Variants in IGSF21 observed in about 807,000 individuals in gnomAD.
IGSF21 encodes the protein immunoglobulin superfamily member 21.
IGSF21 carries 28 observed loss-of-function variants against 46.8 expected under a neutral mutation model. The ratio of observed to expected loss-of-function variants is 0.60; its 90% CI spans 0.44 to 0.82. The LOEUF (loss-of-function observed/expected upper bound fraction) is 0.82, where lower values mean the gene tolerates loss of function less well. IGSF21 is among the 40% of genes least tolerant of loss of function. The probability of loss-of-function intolerance (pLI) is 0.00; values close to 1 mark genes in which losing one functional copy is unlikely to be tolerated. For missense variants in IGSF21, 624 were observed against 665.5 expected, an observed-to-expected ratio of 0.94 and a Z score of 0.69; for synonymous variants, 284 against 273.6, an observed-to-expected ratio of 1.04 and a Z score of -0.38.
chr1:18,304,384 G>T (rs2085391175), intron 3 of IGSF21, among the ~76,000 whole-genome samples: 1 of 152,186 alleles, frequency 6.6e-6, no homozygotes, highest in African/African-American at 2.4e-5. Flanking sequence ...ACACACGGAT[G>T]CCACTTAAAG....
At chr1:18,231,062 G>A (rs532410999) in intron 2 of IGSF21, among the ~76,000 whole-genome samples, 1 of 152,110 alleles carries the variant, frequency 6.6e-6, no homozygotes, top group Non-Finnish European at 1.5e-5. Flanking sequence ...GAAATGAATA[G>A]ATTACACAGG....
chr1:18,378,178 T>C, intron 9 of IGSF21, 78 bp from the exon 10 acceptor site: 1 of 1,201,988 alleles, frequency 8.3e-7, no homozygotes, highest in South Asian at 1.2e-5. Flanking sequence ...GCGTCTTTGT[T>C]GGGGACCTGG....
intron 1 of IGSF21, among the ~76,000 whole-genome samples, chr1:18,203,162 A>G (rs1017047990): frequency 4.6e-5 from 7 of 152,178 alleles, no homozygotes; most frequent in African/African-American, 1.7e-4. Flanking sequence ...CTGAAACCTC[A>G]TGGTCCTTCC....
Position 18,332,347 on chromosome 1 carries a change from C to G in IGSF21, c.306-2545C>G, listed in dbSNP as rs147944530. Among the ~76,000 whole-genome samples, 787 of 152,320 alleles carry G rather than the reference C, an allele frequency of 5.2e-3. 3 individuals carry two copies. Among genetic ancestry groups the G allele is most frequent in the Non-Finnish European group, 8.9e-3 (604 of 68,040 alleles). On this transcript the variant is annotated intron_variant, in intron 3 of 9. Coordinates refer to ENST00000251296, the MANE Select transcript of IGSF21 (RefSeq NM_032880.5). ...TTTCTTTACAGAGCTGTCACCTGAACCTGCCACCTGAACTCCTTTCACCTA... is the reference window on the plus strand; with the variant it reads ...TTTCTTTACAGAGCTGTCACCTGAAGCTGCCACCTGAACTCCTTTCACCTA...
At chr1:18,229,577 A>G (rs992551078) in intron 2 of IGSF21, among the ~76,000 whole-genome samples, 21 of 152,350 alleles carry the variant, frequency 1.4e-4, no homozygotes, top group African/African-American at 5.1e-4. Flanking sequence ...TCTCCTGTTT[A>G]GAGTTAATTC....
chr1:18,167,556 C>T (rs1314648155), intron 1 of IGSF21, among the ~76,000 whole-genome samples: 2 of 152,116 alleles, frequency 1.3e-5, no homozygotes, highest in Non-Finnish European at 2.9e-5. Flanking sequence ...GTGCCCTCCA[C>T]CACCCACCTG....
chr1:18,354,138 C>A (rs1164991920), intron 4 of IGSF21, among the ~76,000 whole-genome samples: 7 of 152,182 alleles, frequency 4.6e-5, no homozygotes, highest in Admixed American at 1.3e-4. Context: ...CAGGCTCTAA[C>A]CCTGTCTGGA....
rs5772795 is a variant in IGSF21 at position 18,208,376 on chromosome 1, A to AATAT, written c.71-19505_71-19502dup. Among the ~76,000 whole-genome samples the AATAT allele has an allele frequency of 2.0e-3, 45 of 22,038 alleles. 1 individual carries two copies. The highest frequency in any genetic ancestry group is 7.3e-3 in the African/African-American group (42 of 5,722). The allele number at this position is 22,038 out of a possible 152,430, so 14.5% of individuals were successfully genotyped here. On this transcript the variant is annotated intron_variant, in intron 1 of 9. Transcript: ENST00000251296. ...GGCAGTTCTCCTTCAGTTTAGGAATAATATATATATATATATATATTTTTT... is the reference window on the plus strand; with the variant it reads ...GGCAGTTCTCCTTCAGTTTAGGAATAATATATATATATATATATATATATTTTTT...
intron 2 of IGSF21, among the ~76,000 whole-genome samples, chr1:18,247,968 C>A (rs1398756927): frequency 6.6e-6 from 1 of 152,196 alleles, no homozygotes; most frequent in Non-Finnish European, 1.5e-5. Context: ...GCCCCACACA[C>A]ACGCAGTCTG....
intron 1 of IGSF21, among the ~76,000 whole-genome samples, chr1:18,209,873 C>A (rs925637333): frequency 1.3e-5 from 2 of 152,038 alleles, no homozygotes; most frequent in Non-Finnish European, 2.9e-5. Context: ...TCCATGCATC[C>A]GTTGCCTTGA....
At chr1:18,190,223 C>T (rs893199062) in intron 1 of IGSF21, among the ~76,000 whole-genome samples, 2 of 152,224 alleles carry the variant, frequency 1.3e-5, no homozygotes, top group Non-Finnish European at 2.9e-5. Flanking sequence ...TTCAGAGCTC[C>T]CAGTGGATCC....
At chr1:18,244,271 A>G (rs150284805) in intron 2 of IGSF21, among the ~76,000 whole-genome samples, 198 of 152,340 alleles carry the variant, frequency 1.3e-3, no homozygotes, top group African/African-American at 4.6e-3. Context: ...ACTCTGGGCA[A>G]TGGTAGAAAG....
chr1:18,330,148 C>A (rs1373093113), intron 3 of IGSF21, among the ~76,000 whole-genome samples: 1 of 152,196 alleles, frequency 6.6e-6, no homozygotes, highest in Non-Finnish European at 1.5e-5. Flanking sequence ...CAGATCAATG[C>A]CACTCAATTC....
At chr1:18,217,757 G>T (rs1299390070) in intron 1 of IGSF21, among the ~76,000 whole-genome samples, 1 of 152,164 alleles carries the variant, frequency 6.6e-6, no homozygotes, top group Non-Finnish European at 1.5e-5. Flanking sequence ...TTGCCATGAG[G>T]TGGTGGGAAG....
At chr1:18,121,956 C>T (rs192776527) in intron 1 of IGSF21, among the ~76,000 whole-genome samples, 84 of 152,314 alleles carry the variant, frequency 5.5e-4, no homozygotes, top group African/African-American at 1.9e-3. Context: ...AGGTGCACCA[C>T]TTCTGTCTCC....
chr1:18,274,925 G>A (rs6656411), intron 2 of IGSF21, among the ~76,000 whole-genome samples: 36,647 of 152,030 alleles, frequency 0.24, 4,830 homozygotes, highest in African/African-American at 0.35. Flanking sequence ...ACTAGGGAAG[G>A]CTGAGGCAAG....
intron 4 of IGSF21, among the ~76,000 whole-genome samples, chr1:18,356,240 A>C (rs1045452391): frequency 1.3e-4 from 20 of 152,212 alleles, no homozygotes; most frequent in Non-Finnish European, 7.3e-5. Flanking sequence ...TTTCAGATGA[A>C]TGGTGCTGAT....
intron 1 of IGSF21, among the ~76,000 whole-genome samples, chr1:18,214,464 C>A (rs2124493826): frequency 6.6e-6 from 1 of 152,270 alleles, no homozygotes; most frequent in East Asian, 1.9e-4. Flanking sequence ...CAAAAAGTAT[C>A]CAGCCGCAGC....
At chr1:18,140,532 A>G (rs1319599546) in intron 1 of IGSF21, among the ~76,000 whole-genome samples, 1 of 152,068 alleles carries the variant, frequency 6.6e-6, no homozygotes, top group Non-Finnish European at 1.5e-5. Flanking sequence ...AGGCGGCCGC[A>G]TATGCATGCT....
Sources: gnomAD v4.1 joint callset for allele counts (sites outside exome capture counted in the v4.1 genomes callset) on GRCh38, gnomAD v4.1.1 for gene constraint, MANE v1.5 for transcripts, NCBI Gene and HGNC (gene_info 2026-07-23, HGNC 2026-07-21) for gene names.